Variants in ADAMTS2 observed in about 807,000 individuals in gnomAD.
The protein encoded by ADAMTS2 is A disintegrin and metalloproteinase with thrombospondin motifs 2.
A neutral mutation model predicts 123.0 loss-of-function variants in ADAMTS2; 50 were observed. That is an observed-to-expected ratio of 0.41 (90% confidence interval 0.32 to 0.51). ADAMTS2 has a LOEUF of 0.51. ADAMTS2 is among the 20% of genes least tolerant of loss of function. The pLI, the probability that ADAMTS2 is intolerant of heterozygous loss-of-function variation, is 0.35. For missense variants in ADAMTS2, 1,494 were observed against 1,705.2 expected (o/e 0.88, Z 2.18); for synonymous variants, 678 against 695.4 (o/e 0.98, Z 0.39).
At chr5:179,328,173 C>T (rs1235500638) in intron 2 of ADAMTS2, among the ~76,000 whole-genome samples, 1 of 152,218 alleles carries the variant, frequency 6.6e-6, no homozygotes, top group Non-Finnish European at 1.5e-5. Context: ...GCTGGGACTA[C>T]AGGCGCGCAC....
chr5:179,214,865 G>GTTAA (rs200569549), intron 3 of ADAMTS2, among the ~76,000 whole-genome samples: 32,257 of 143,970 alleles, frequency 0.22, 3,838 homozygotes, highest in Non-Finnish European at 0.25. Flanking sequence ...AATCTCCGTC[G>GTTAA]AATAATTGTT....
At position 179,113,354 on chromosome 5, in the gene ADAMTS2, G is replaced by C. The variant is rs1044767137; in HGVS notation, c.*513C>G. The C allele has an allele frequency of 5.5e-6, 1 of 182,372 alleles. No homozygotes were observed. The highest frequency in any genetic ancestry group is 2.4e-5 in the African/African-American group (1 of 42,216). The allele number at this position is 182,372 out of a possible 1,614,324, so 11.3% of individuals were successfully genotyped here. A position where few individuals can be genotyped will look rare whatever the true frequency, so the allele number is the denominator to read the frequency against. On this transcript the variant is annotated 3_prime_UTR_variant, in exon 22 of 22. Coordinates refer to ENST00000251582, the MANE Select transcript of ADAMTS2 (RefSeq NM_014244.5). ...CCAGCGGGCCACTACGCTCACCCCG[G>C]TCAGCCGCCTGGCCCTGGAAGACGA... is the stretch of plus-strand genomic sequence containing the variant.
chr5:179,121,760 G>C lies in ADAMTS2; in HGVS notation c.3089-10C>G. On this transcript the variant is annotated splice_polypyrimidine_tract_variant and intron_variant, in intron 20 of 21. Coordinates refer to ENST00000251582, the MANE Select transcript of ADAMTS2 (RefSeq NM_014244.5). ...GGATCTGAGATGTTTCCTAGAGGGA[G>C]GAGAGAGGGGCTGCGGCCGCAGGGC... is the stretch of plus-strand genomic sequence containing the variant. 1 of 1,543,044 alleles carries C rather than the reference G, an allele frequency of 6.5e-7. No individual in the cohort carries two copies. The highest frequency in any genetic ancestry group is 8.8e-7 in the Non-Finnish European group (1 of 1,139,226).
At chr5:179,201,172 A>G (rs940160762) in intron 4 of ADAMTS2, among the ~76,000 whole-genome samples, 1 of 152,186 alleles carries the variant, frequency 6.6e-6, no homozygotes. Context: ...CATAACAGAG[A>G]ACATTCCAGT....
At position 179,130,096 on chromosome 5, in the gene ADAMTS2, C is replaced by T. The variant is rs777314559; in HGVS notation, c.2293G>A (p.Val765Ile). 2.9e-5 allele frequency: 46 copies of T among 1,613,838 alleles called. No individual in the cohort carries two copies. The highest frequency in any genetic ancestry group is 9.3e-5 in the African/African-American group (7 of 74,940). The change falls in exon 16 of 22, where the codon GTC becomes ATC. Residue 765 changes from valine (V) to isoleucine (I), a missense_variant and splice_region_variant. Physicochemically the swap from Val to Ile is conservative, Grantham distance 29. Transcript: ENST00000251582. This position sits in a 1 kb window ranked among gnomAD's most constrained non-coding sequence, Gnocchi z 4.3. ...AACTTGCCTGTCTCCAGGTTCTTGA[C>T]GGCTGAGAATGGCAAGACCAAGTCC... The part of the protein sequence containing the change: ...EVDATSHHLA[V>I]KNLETGKFIL...
At chr5:179,301,333 G>A (rs1165205183) in intron 2 of ADAMTS2, among the ~76,000 whole-genome samples, 30 of 152,276 alleles carry the variant, frequency 2.0e-4, no homozygotes, top group Non-Finnish European at 4.4e-5. Context: ...GCTTTTCCGT[G>A]TCTAAAATGG....
intron 10 of ADAMTS2, among the ~76,000 whole-genome samples, chr5:179,149,053 C>T (rs1011276143): frequency 2.6e-5 from 4 of 152,170 alleles, no homozygotes; most frequent in African/African-American, 7.2e-5. Flanking sequence ...TGCTGGCTGG[C>T]GTTCCCCTCA....
rs185190564 is a variant in ADAMTS2 at position 179,322,788 on chromosome 5, C to T, written c.534+20979G>A. On this transcript the variant is annotated intron_variant, in intron 2 of 21. Transcript: ENST00000251582. ...GACAGAAAGAGGCCTCTCTGGGCTG[C>T]GGCTCCCTCACTCGGGGCCTGACGG... is the stretch of plus-strand genomic sequence containing the variant. Among the ~76,000 whole-genome samples the T allele has an allele frequency of 2.2e-3, 338 of 152,342 alleles. 4 individuals carry two copies. The highest frequency in any genetic ancestry group is 7.7e-3 in the African/African-American group (319 of 41,578).
intron 3 of ADAMTS2, among the ~76,000 whole-genome samples, chr5:179,244,276 GA>G (rs1388205230): frequency 6.6e-6 from 1 of 152,146 alleles, no homozygotes; most frequent in Admixed American, 6.5e-5. Context: ...AGCAGCAAAA[GA>G]AAAATGACTT....
At chr5:179,204,888 C>T (rs886799716) in intron 4 of ADAMTS2, among the ~76,000 whole-genome samples, 1 of 152,250 alleles carries the variant, frequency 6.6e-6, no homozygotes, top group Admixed American at 6.5e-5. Flanking sequence ...GACAAGCACA[C>T]TGTCAACACG....
chr5:179,297,157 C>T (rs577759768), intron 2 of ADAMTS2, among the ~76,000 whole-genome samples: 49 of 152,266 alleles, frequency 3.2e-4, no homozygotes, highest in Middle Eastern at 3.4e-3. Flanking sequence ...GAAATGCGAA[C>T]GGCCACTCCC....
chr5:179,154,174 G>A lies in ADAMTS2; in HGVS notation c.1257C>T (p.Asp419=), dbSNP rs368720430. Residue 419 remains aspartate, a synonymous_variant, in exon 8 of 22, where the codon GAC becomes GAT. Transcript: ENST00000251582. The part of the protein sequence containing the change: ...ETGHVLGMEH[D]GQGNRCGDEV... The stretch of plus-strand genomic sequence containing the variant: ...CGTCGCCACAGCGGTTGCCCTGCCC[G>A]TCGTGCTCCATGCCCAGCCTGCGAG... 32 of 1,562,220 alleles carry A rather than the reference G, an allele frequency of 2.0e-5. No homozygotes were observed. Among genetic ancestry groups the A allele is most frequent in the African/African-American group, 4.0e-5 (3 of 74,168 alleles).
At chr5:179,196,451 G>A (rs1442282680) in intron 4 of ADAMTS2, among the ~76,000 whole-genome samples, 1 of 152,192 alleles carries the variant, frequency 6.6e-6, no homozygotes, top group East Asian at 1.9e-4. Flanking sequence ...TAACACAGCT[G>A]GGAGAGACTA....
intron 2 of ADAMTS2, among the ~76,000 whole-genome samples, chr5:179,322,142 T>C (rs192581932): frequency 6.6e-6 from 1 of 152,346 alleles, no homozygotes; most frequent in Admixed American, 6.5e-5. Flanking sequence ...TTTTGGCTTA[T>C]TTCTGCATTC....
At chr5:179,205,751 T>TTTATTA (rs1436404552) in intron 4 of ADAMTS2, among the ~76,000 whole-genome samples, 1 of 85,274 alleles carries the variant, frequency 1.2e-5, no homozygotes, top group Non-Finnish European at 2.5e-5. Context: ...CCATTATGGT[T>TTTATTA]TTATTGTTAT....
chr5:179,254,246 G>A (rs1309296723), intron 3 of ADAMTS2, among the ~76,000 whole-genome samples: 1 of 152,176 alleles, frequency 6.6e-6, no homozygotes, highest in East Asian at 1.9e-4. Context: ...AAGGGGCCCT[G>A]GAGCTTTTAG....
intron 3 of ADAMTS2, among the ~76,000 whole-genome samples, chr5:179,216,801 C>A (rs559222762): frequency 2.0e-5 from 3 of 152,344 alleles, no homozygotes; most frequent in Admixed American, 2.0e-4. Flanking sequence ...GCTCAAGTAG[C>A]AATACAGTGA....
At chr5:179,223,554 T>TCACACTCACACGAATG (rs1561814328) in intron 3 of ADAMTS2, among the ~76,000 whole-genome samples, 4 of 147,922 alleles carry the variant, frequency 2.7e-5, no homozygotes, top group East Asian at 2.0e-4. Context: ...ACGAATGCAC[T>TCACACTCACACGAATG]CACACACACG....
intron 2 of ADAMTS2, among the ~76,000 whole-genome samples, chr5:179,310,693 T>C (rs540768153): frequency 6.6e-6 from 1 of 152,268 alleles, no homozygotes; most frequent in African/African-American, 2.4e-5. Flanking sequence ...AACCTGCATT[T>C]TGGCAAGTTC....
Sources: gnomAD v4.1 joint callset for allele counts (sites outside exome capture counted in the v4.1 genomes callset) on GRCh38, gnomAD v4.1.1 for gene constraint, Gnocchi (gnomAD v3.1) non-coding constraint, MANE v1.5 for transcripts, NCBI Gene and HGNC (gene_info 2026-07-23, HGNC 2026-07-21) for gene names.